The following CALN1 variants were observed in gnomAD, a reference collection of about 807,000 sequenced individuals.
The protein encoded by CALN1 is calcium-binding protein 8.
CALN1 carries 17 observed loss-of-function variants against 30.6 expected under a neutral mutation model. The observed-to-expected ratio is 0.56, with a 90% CI of 0.38 to 0.83. The LOEUF (loss-of-function observed/expected upper bound fraction) is 0.83. Among genes scored for constraint, CALN1 ranks in the 40% least tolerant of loss-of-function variants. The pLI is 0.00. For missense variants in CALN1, 291 were observed against 354.9 expected, an observed-to-expected ratio of 0.82 and a Z score of 1.45; for synonymous variants, 156 against 131.4, an observed-to-expected ratio of 1.19 and a Z score of -1.28.
chr7:72,348,217 C>T (rs1333482634), intron 2 of CALN1, among the ~76,000 whole-genome samples: 1 of 152,152 alleles, frequency 6.6e-6, no homozygotes, highest in Non-Finnish European at 1.5e-5. Context: ...AGAAACTAAA[C>T]AAATGTACAA....
chr7:71,819,755 G>A (rs1788487687), intron 5 of CALN1, among the ~76,000 whole-genome samples: 1 of 152,004 alleles, frequency 6.6e-6, no homozygotes, highest in East Asian at 1.9e-4. Flanking sequence ...TATGATATTT[G>A]TCTTTTTGTG....
chr7:72,220,433 A>C (rs988694667), intron 3 of CALN1, among the ~76,000 whole-genome samples: 1 of 151,452 alleles, frequency 6.6e-6, no homozygotes, highest in Non-Finnish European at 1.5e-5. Flanking sequence ...TTCTTAATCC[A>C]GTCTATTGTT....
intron 5 of CALN1, among the ~76,000 whole-genome samples, chr7:71,813,659 G>T (rs1289056239): frequency 1.3e-5 from 2 of 152,116 alleles, no homozygotes; most frequent in East Asian, 3.9e-4. Context: ...GCCGGGCGCG[G>T]TGGCTCACGC....
intron 5 of CALN1, among the ~76,000 whole-genome samples, chr7:71,996,409 T>A (rs1799254899): frequency 6.6e-6 from 1 of 152,180 alleles, no homozygotes; most frequent in Non-Finnish European, 1.5e-5. Context: ...CATGCCCCAG[T>A]GAGTGTTGTT....
At chr7:72,204,134 A>G (rs1585156381) in intron 3 of CALN1, among the ~76,000 whole-genome samples, 1 of 150,036 alleles carries the variant, frequency 6.7e-6, no homozygotes, top group South Asian at 2.1e-4. Context: ...GACTACAGGC[A>G]CCTGTCACCA....
upstream of CALN1, among the ~76,000 whole-genome samples, chr7:72,415,534 A>G (rs181968941): frequency 6.6e-6 from 1 of 152,374 alleles, no homozygotes; most frequent in Admixed American, 6.5e-5. Context: ...GATTTTTTAA[A>G]TGCTGGCAAC....
intron 2 of CALN1, among the ~76,000 whole-genome samples, chr7:72,368,948 G>A (rs1011874670): frequency 4.6e-5 from 7 of 151,334 alleles, no homozygotes; most frequent in African/African-American, 1.7e-4. Context: ...CCAAGTAGCT[G>A]GGATTACAGG....
chr7:72,353,547 A>G (rs768148668), intron 2 of CALN1, among the ~76,000 whole-genome samples: 22 of 152,284 alleles, frequency 1.4e-4, no homozygotes, highest in Admixed American at 9.8e-4. Flanking sequence ...GAAAACTTAG[A>G]AAGTTTGGAA....
the CALN1 span, among the ~76,000 whole-genome samples, chr7:72,503,324 C>T: frequency 6.6e-6 from 1 of 151,876 alleles, no homozygotes; most frequent in Non-Finnish European, 1.5e-5. Context: ...CTAAGCCAAA[C>T]TCCATGTAGA....
chr7:72,157,905 GGCT>G (rs903872806), intron 3 of CALN1, among the ~76,000 whole-genome samples: 2 of 152,082 alleles, frequency 1.3e-5, no homozygotes, highest in African/African-American at 4.8e-5. Flanking sequence ...CACCATGCCT[GGCT>G]AATATTTTTT....
rs549166746 is a variant in CALN1, at chr7:72,028,849, G to C, written c.389-5080C>G. On this transcript the variant is annotated intron_variant, in intron 4 of 6. Transcript: ENST00000395275. ...CTACCAAAAATACAAAAATTAGCTG[G>C]GTGTGGTGGTACAAACCTGTAATCC... Among the ~76,000 whole-genome samples, 36 of 152,140 alleles carry C rather than the reference G, an allele frequency of 2.4e-4. No individual in the cohort carries two copies. The East Asian group carries it at 5.1e-3, about 21-fold the overall frequency.
At chr7:71,914,809 TTC>T (rs1414853602) in intron 5 of CALN1, among the ~76,000 whole-genome samples, 1 of 152,212 alleles carries the variant, frequency 6.6e-6, no homozygotes, top group Non-Finnish European at 1.5e-5. Flanking sequence ...GATGTTGAGC[TTC>T]TTTTTCCTAT....
intron 1 of CALN1, among the ~76,000 whole-genome samples, chr7:72,446,298 A>C (rs898347603): frequency 6.6e-6 from 1 of 152,202 alleles, no homozygotes; most frequent in Non-Finnish European, 1.5e-5. Flanking sequence ...CAATTTACAC[A>C]ATGCAATGTA....
At chr7:72,073,611 C>CTT (rs1804543694) in intron 4 of CALN1, among the ~76,000 whole-genome samples, 1 of 94,316 alleles carries the variant, frequency 1.1e-5, no homozygotes, top group Non-Finnish European at 2.5e-5. Flanking sequence ...GCATTTAGTC[C>CTT]TTTCTTTCTT....
intron 3 of CALN1, among the ~76,000 whole-genome samples, chr7:72,189,062 T>G (rs1444639076): frequency 6.6e-6 from 1 of 152,214 alleles, no homozygotes; most frequent in African/African-American, 2.4e-5. Context: ...GACCCTTGGA[T>G]GCTGCTATCC....
At chr7:72,195,129 G>C (rs939795731) in intron 3 of CALN1, among the ~76,000 whole-genome samples, 1 of 152,126 alleles carries the variant, frequency 6.6e-6, no homozygotes, top group African/African-American at 2.4e-5. Context: ...TCATGCATCA[G>C]CTCAGACTCA....
chr7:71,788,097 C>T (rs1171032209), intron 6 of CALN1, among the ~76,000 whole-genome samples, 195 bp from the exon 7 acceptor site: 1 of 152,140 alleles, frequency 6.6e-6, no homozygotes, highest in Non-Finnish European at 1.5e-5. Context: ...ATACAAAATG[C>T]CTTCTGGTGA....
chr7:72,094,552 C>T (rs552689260), intron 4 of CALN1, among the ~76,000 whole-genome samples: 1 of 152,194 alleles, frequency 6.6e-6, no homozygotes, highest in South Asian at 2.1e-4. Flanking sequence ...CCATGCCTGG[C>T]CCAGAATTTT....
intron 5 of CALN1, among the ~76,000 whole-genome samples, chr7:71,846,399 A>T (rs1790237759): frequency 6.6e-6 from 1 of 152,096 alleles, no homozygotes; most frequent in African/African-American, 2.4e-5. Flanking sequence ...ATTCTTCAGG[A>T]GGAAGAAAGG....
Sources: allele counts gnomAD v4.1 joint callset (sites outside exome capture counted in the v4.1 genomes callset), GRCh38; gene constraint gnomAD v4.1.1; transcripts MANE v1.5; gene names NCBI Gene and HGNC (gene_info 2026-07-23, HGNC 2026-07-21).